GPC5: variants seen among roughly 807,000 people sequenced by gnomAD.
The protein encoded by GPC5 is glypican 5, also known as glypican-5.
Under a neutral mutation model 53.9 loss-of-function variants are expected in GPC5, and 47 were observed. That is an observed-to-expected ratio of 0.87 (90% confidence interval 0.69 to 1.11). The LOEUF (loss-of-function observed/expected upper bound fraction) is 1.11. Among genes scored for constraint, GPC5 ranks in the 50% most tolerant of loss-of-function variants. The probability of loss-of-function intolerance (pLI) is 0.00; values close to 1 mark genes in which losing one functional copy is unlikely to be tolerated. For synonymous variants in GPC5, 286 were observed against 263.3 expected, an observed-to-expected ratio of 1.09 and a Z score of -0.84; for missense variants, 748 against 713.1, an observed-to-expected ratio of 1.05 and a Z score of -0.56.
At chr13:91,580,210 C>T (rs1270792160) in intron 2 of GPC5, among the ~76,000 whole-genome samples, 1 of 152,056 alleles carries the variant, frequency 6.6e-6, no homozygotes, top group Admixed American at 6.5e-5. Context: ...GCCACCATGC[C>T]TGGCTATTTC....
At chr13:91,705,543 A>G (rs2139875758) in intron 3 of GPC5, among the ~76,000 whole-genome samples, 1 of 152,300 alleles carries the variant, frequency 6.6e-6, no homozygotes, top group South Asian at 2.1e-4. Flanking sequence ...AGATGATCCA[A>G]ACTCATTTCA....
rs1013147820 is a variant in GPC5 at position 92,249,193 on chromosome 13, A to G, written c.1561+104204A>G. Among the ~76,000 whole-genome samples the G allele has an allele frequency of 3.9e-4, 60 of 152,066 alleles. 1 individual carries two copies. The highest frequency in any genetic ancestry group is 1.4e-3 in the African/African-American group (57 of 41,432). On this transcript the variant is annotated intron_variant, in intron 7 of 7. Transcript: ENST00000377067. ...TACAAACAGTCTAAGTATTTTAGTT[A>G]TTTTAAAATGTACAATAAATTGTTG...
At chr13:92,197,253 C>T (rs1342966112) in intron 7 of GPC5, among the ~76,000 whole-genome samples, 1 of 152,050 alleles carries the variant, frequency 6.6e-6, no homozygotes. Context: ...CATAAATTTT[C>T]TTACAGACTT....
chr13:91,473,391 A>G (rs182180029), intron 2 of GPC5, among the ~76,000 whole-genome samples: 83 of 152,302 alleles, frequency 5.4e-4, no homozygotes, highest in African/African-American at 1.9e-3. Flanking sequence ...GTATAGTTCA[A>G]TCAATGGAAT....
intron 7 of GPC5, among the ~76,000 whole-genome samples, chr13:92,593,412 G>A (rs1460380241): frequency 6.6e-6 from 1 of 150,950 alleles, no homozygotes; most frequent in Non-Finnish European, 1.5e-5. Context: ...TTGAAGTGTG[G>A]GGTATCAAGA....
chr13:91,516,923 C>T (rs1029953585), intron 2 of GPC5, among the ~76,000 whole-genome samples: 3 of 152,180 alleles, frequency 2.0e-5, no homozygotes, highest in Non-Finnish European at 2.9e-5. Context: ...CCGAGCTGTA[C>T]GTTGTCCCCT....
intron 2 of GPC5, among the ~76,000 whole-genome samples, chr13:91,516,448 C>T (rs1885504524): frequency 6.6e-6 from 1 of 152,212 alleles, no homozygotes; most frequent in Non-Finnish European, 1.5e-5. Flanking sequence ...CTCAAGTTCT[C>T]ACATCCAGGT....
chr13:91,853,260 C>G (rs2038933480), intron 5 of GPC5, among the ~76,000 whole-genome samples: 1 of 151,974 alleles, frequency 6.6e-6, no homozygotes, highest in Non-Finnish European at 1.5e-5. Flanking sequence ...GTTTCTCTTT[C>G]TCATCTGGGG....
rs186830145 is a variant in GPC5, at chr13:91,973,162, G to A, written c.1401+65105G>A. Among the ~76,000 whole-genome samples, 169 of 152,098 alleles carry A rather than the reference G, an allele frequency of 1.1e-3. 1 individual carries two copies. The highest frequency in any genetic ancestry group is 1.8e-3 in the Admixed American group (28 of 15,266). On this transcript the variant is annotated intron_variant, in intron 6 of 7. Transcript: ENST00000377067. Reference sequence around the variant, plus strand: ...CTCATATTTCTTGGAGGCTTTGTTCGTTTCTTTTTATTCTTTTTTCTCTAA... The same window carrying A: ...CTCATATTTCTTGGAGGCTTTGTTCATTTCTTTTTATTCTTTTTTCTCTAA...
intron 5 of GPC5, among the ~76,000 whole-genome samples, chr13:91,761,461 C>G (rs745674046): frequency 6.6e-6 from 1 of 152,078 alleles, no homozygotes; most frequent in Admixed American, 6.5e-5. Context: ...AGGCTGGGAG[C>G]TCAGTCCCCA....
chr13:91,927,880 T>C (rs1171886374), intron 6 of GPC5, among the ~76,000 whole-genome samples: 2 of 152,216 alleles, frequency 1.3e-5, no homozygotes, highest in Non-Finnish European at 2.9e-5. Context: ...ATTCTTTGCT[T>C]ATAATTATTT....
intron 1 of GPC5, among the ~76,000 whole-genome samples, chr13:91,403,207 C>G (rs1410385449): frequency 6.6e-6 from 1 of 152,220 alleles, no homozygotes; most frequent in Non-Finnish European, 1.5e-5. Context: ...TGATTAACAT[C>G]AGGATTGCCC....
chr13:91,501,193 A>G (rs957168044), intron 2 of GPC5, among the ~76,000 whole-genome samples: 2 of 148,086 alleles, frequency 1.4e-5, no homozygotes, highest in Non-Finnish European at 1.5e-5. Context: ...TCCTGAAGTT[A>G]TTCGTAACAG....
chr13:92,032,018 T>C (rs1021340524), intron 6 of GPC5, among the ~76,000 whole-genome samples: 1 of 133,464 alleles, frequency 7.5e-6, no homozygotes, highest in Middle Eastern at 3.7e-3. Context: ...TAATATATAA[T>C]ATATATAAAA....
At chr13:91,690,553 T>C (rs980587304) in intron 2 of GPC5, among the ~76,000 whole-genome samples, 1 of 152,232 alleles carries the variant, frequency 6.6e-6, no homozygotes, top group Admixed American at 6.5e-5. Flanking sequence ...AAATATATTC[T>C]CTTCAACATT....
intron 2 of GPC5, among the ~76,000 whole-genome samples, chr13:91,517,138 A>T (rs1594196945): frequency 6.6e-6 from 1 of 152,146 alleles, no homozygotes; most frequent in South Asian, 2.1e-4. Context: ...GCTCCTTGCT[A>T]CTTATGCAAA....
chr13:91,946,044 T>C (rs1367621599), intron 6 of GPC5, among the ~76,000 whole-genome samples: 1 of 152,158 alleles, frequency 6.6e-6, no homozygotes, highest in Admixed American at 6.5e-5. Flanking sequence ...CTTCTACTTC[T>C]GGGTTCATGT....
chr13:92,857,414 A>C (rs1879035804), intron 7 of GPC5, among the ~76,000 whole-genome samples: 1 of 152,194 alleles, frequency 6.6e-6, no homozygotes, highest in Non-Finnish European at 1.5e-5. Context: ...CTTGGTAAAA[A>C]ATTTATGACC....
At chr13:91,891,829 C>T (rs967344891) in intron 5 of GPC5, among the ~76,000 whole-genome samples, 1 of 152,036 alleles carries the variant, frequency 6.6e-6, no homozygotes, top group Admixed American at 6.6e-5. Context: ...TTTTATTTAG[C>T]TCATTTATCT....
Sources: gnomAD v4.1 joint callset for allele counts (sites outside exome capture counted in the v4.1 genomes callset) on GRCh38, gnomAD v4.1.1 for gene constraint, MANE v1.5 for transcripts, NCBI Gene and HGNC (gene_info 2026-07-23, HGNC 2026-07-21) for gene names.